ZNF131: variants seen among roughly 807,000 people sequenced by gnomAD.
ZNF131 encodes zinc finger and BTB domain containing 35.
A neutral mutation model predicts 60.0 loss-of-function variants in ZNF131; 7 were observed. That is an observed-to-expected ratio of 0.12 (90% CI 0.07 to 0.22). The LOEUF is 0.22. Among genes scored for constraint, ZNF131 ranks in the 10% least tolerant of loss-of-function variants. The pLI is 1.00. For missense variants in ZNF131, 493 were observed against 740.9 expected, an observed-to-expected ratio of 0.67 and a Z score of 3.88; for synonymous variants, 257 against 253.2, an observed-to-expected ratio of 1.01 and a Z score of -0.14.
chr5:43,147,716 C>T (rs1226163792), intron 4 of ZNF131, among the ~76,000 whole-genome samples: 7 of 149,314 alleles, frequency 4.7e-5, no homozygotes, highest in African/African-American at 7.4e-5. Flanking sequence ...CCACCGCGCC[C>T]GGCCAGTTTG....
intron 4 of ZNF131, among the ~76,000 whole-genome samples, chr5:43,158,006 T>C (rs1010317446): frequency 3.3e-5 from 5 of 152,270 alleles, no homozygotes; most frequent in African/African-American, 7.2e-5. Flanking sequence ...TTGACTCTTA[T>C]TGCCCAGGCT....
chr5:43,144,082 C>G (rs572284852), intron 4 of ZNF131, among the ~76,000 whole-genome samples: 73 of 150,600 alleles, frequency 4.8e-4, no homozygotes, highest in African/African-American at 1.7e-3. Flanking sequence ...GCCACCACGC[C>G]CAGCTAATAT....
At chr5:43,126,363 T>A (rs572569982) in intron 3 of ZNF131, among the ~76,000 whole-genome samples, 37 of 152,324 alleles carry the variant, frequency 2.4e-4, no homozygotes, top group Non-Finnish European at 4.3e-4. Flanking sequence ...AACTTACTTT[T>A]CAAAACCTTC....
intron 3 of ZNF131, among the ~76,000 whole-genome samples, chr5:43,127,047 G>C (rs1001717): frequency 0.097 from 14,764 of 152,020 alleles, 852 homozygotes; most frequent in East Asian, 0.19. Flanking sequence ...GATTTCTCTC[G>C]CCAGTCTGCT....
intron 4 of ZNF131, among the ~76,000 whole-genome samples, chr5:43,157,711 C>T (rs1749132343): frequency 1.3e-5 from 2 of 152,216 alleles, no homozygotes; most frequent in African/African-American, 2.4e-5. Context: ...TTTCTCAGTT[C>T]TGAAGGCTAA....
chr5:43,144,394 A>G (rs1476603639), intron 4 of ZNF131, among the ~76,000 whole-genome samples: 4 of 150,874 alleles, frequency 2.7e-5, no homozygotes, highest in South Asian at 2.1e-4. Context: ...ACGCCCAACT[A>G]ATTTTTTTTA....
chr5:43,152,419 G>A (rs910876575), intron 4 of ZNF131, among the ~76,000 whole-genome samples: 2 of 152,156 alleles, frequency 1.3e-5, no homozygotes, highest in Non-Finnish European at 2.9e-5. Flanking sequence ...TTTTGCCTGC[G>A]ACACACAGGA....
rs181589269 is a variant in ZNF131, at chr5:43,143,313, G to T, written c.371+4004G>T. On this transcript the variant is annotated intron_variant, in intron 4 of 6. Transcript: ENST00000682664. ...TGGGATTACAAGCACGAGTCACTGC[G>T]CCCGGCCTCAAGCTTTTATTTAAGT... 7.6e-6 allele frequency: 9 copies of T among 1,188,700 alleles called. No individual in the cohort carries two copies. The African/African-American group carries it at 1.1e-4, about 15-fold the overall frequency. The allele number at this position is 1,188,700 out of a possible 1,614,324, so 73.6% of individuals were successfully genotyped here.
At chr5:43,170,992 T>A (rs1335499515) in intron 5 of ZNF131, among the ~76,000 whole-genome samples, 1 of 151,562 alleles carries the variant, frequency 6.6e-6, no homozygotes, top group Non-Finnish European at 1.5e-5. Flanking sequence ...TCGCCCAGGC[T>A]GGAGTGCAAT....
intron 3 of ZNF131, among the ~76,000 whole-genome samples, chr5:43,132,058 A>G (rs1276620482): frequency 6.6e-6 from 1 of 152,224 alleles, no homozygotes; most frequent in Non-Finnish European, 1.5e-5. Flanking sequence ...CTTGCTTTAT[A>G]TGTATATAGT....
intron 4 of ZNF131, among the ~76,000 whole-genome samples, chr5:43,159,585 C>T (rs142068780): frequency 0.011 from 1,741 of 151,392 alleles, 21 homozygotes; most frequent in Middle Eastern, 0.031. Flanking sequence ...ATCCCAGCTA[C>T]TCAGGAGGCT....
chr5:43,146,362 C>T (rs546245613), intron 4 of ZNF131, among the ~76,000 whole-genome samples: 2 of 152,038 alleles, frequency 1.3e-5, no homozygotes, highest in African/African-American at 2.4e-5. Context: ...CCAAGGTGGG[C>T]GGATATGAGG....
intron 4 of ZNF131, among the ~76,000 whole-genome samples, chr5:43,157,287 A>G (rs1749082833): frequency 6.6e-6 from 1 of 152,202 alleles, no homozygotes; most frequent in African/African-American, 2.4e-5. Context: ...GATAAGCATT[A>G]TGTTCTCCCC....
chr5:43,121,952 G>T (rs534195392), intron 1 of ZNF131, 87 bp from the exon 2 acceptor site: 57 of 1,399,600 alleles, frequency 4.1e-5, no homozygotes, highest in South Asian at 1.9e-4. Context: ...CACGTTGCTG[G>T]TTTTTTTTGT....
At chr5:43,136,121 A>G (rs1472905113) in intron 3 of ZNF131, among the ~76,000 whole-genome samples, 2 of 152,248 alleles carry the variant, frequency 1.3e-5, no homozygotes, top group South Asian at 2.1e-4. Context: ...AGAAGAAAAA[A>G]TGAACTGCTA....
intron 4 of ZNF131, among the ~76,000 whole-genome samples, chr5:43,159,877 A>G (rs1162759679): frequency 1.3e-5 from 2 of 152,040 alleles, no homozygotes; most frequent in African/African-American, 2.4e-5. Context: ...TGTTTAAGAA[A>G]TCTTTCAGCT....
At chr5:43,127,747 T>A (rs1368627888) in intron 3 of ZNF131, among the ~76,000 whole-genome samples, 1 of 152,254 alleles carries the variant, frequency 6.6e-6, no homozygotes, top group Non-Finnish European at 1.5e-5. Context: ...TGAAGCTAAT[T>A]GGATCCCAGC....
intron 4 of ZNF131, among the ~76,000 whole-genome samples, chr5:43,159,711 AAACC>A (rs1008249216): frequency 2.0e-5 from 3 of 151,590 alleles, no homozygotes; most frequent in African/African-American, 4.8e-5. Flanking sequence ...AAAAAAAAAA[AAACC>A]AAACAAAAAA....
In ZNF131 at chr5:43,163,220, C is replaced by T. The variant is rs79591715; in HGVS notation, c.1054+1289C>T. On this transcript the variant is annotated intron_variant, in intron 5 of 6. Transcript: ENST00000682664. ...GTCTCAAACTCCTGACCTCGTGATC[C>T]GCTAGCCTCGGCCTCCCAAAGTGCT... Among the ~76,000 whole-genome samples, 136 of 152,068 alleles carry T rather than the reference C, an allele frequency of 8.9e-4. 2 individuals carry two copies. In the East Asian group the frequency reaches 0.02, roughly 23 times the overall value.
Sources: allele counts gnomAD v4.1 joint callset (sites outside exome capture counted in the v4.1 genomes callset), GRCh38; gene constraint gnomAD v4.1.1; transcripts MANE v1.5; gene names NCBI Gene and HGNC (gene_info 2026-07-23, HGNC 2026-07-21).